Variants in AP2A2 observed in about 807,000 individuals in gnomAD.
AP2A2 encodes adaptor related protein complex 2 subunit alpha 2.
AP2A2 carries 32 observed loss-of-function variants against 104.2 expected under a neutral mutation model. That is an observed-to-expected ratio of 0.31 (90% CI 0.23 to 0.41). The LOEUF is 0.41. AP2A2 is among the 10% of genes least tolerant of loss of function. The pLI, the probability that AP2A2 is intolerant of heterozygous loss-of-function variation, is 1.00. For missense variants in AP2A2, 912 were observed against 1,261.0 expected (o/e 0.72, Z 4.19); for synonymous variants, 539 against 533.3 (o/e 1.01, Z -0.15).
chr11:973,479 T>C (rs1002598850), intron 4 of AP2A2, among the ~76,000 whole-genome samples: 9 of 152,062 alleles, frequency 5.9e-5, no homozygotes, highest in African/African-American at 1.4e-4. Context: ...AAGACAGATA[T>C]TCAGAAGCGC....
At chr11:975,430 C>T (rs112909388) in intron 4 of AP2A2, among the ~76,000 whole-genome samples, 184 of 63,784 alleles carry the variant, frequency 2.9e-3, no homozygotes, top group Middle Eastern at 0.036. Context: ...TTGTGTGAGC[C>T]GACGTCGGAG....
intron 7 of AP2A2, 59 bp from the exon 8 acceptor site, chr11:985,376 G>A (rs1855416059): frequency 6.4e-7 from 1 of 1,573,346 alleles, no homozygotes; most frequent in Admixed American, 1.9e-5. Flanking sequence ...AGCCGGGAGG[G>A]GCAGGGTGGG....
In AP2A2 at chr11:1,009,765, A is replaced by C; in HGVS notation, c.2690A>C (p.Lys897Thr). The change falls in exon 21 of 22, where the codon AAA becomes ACA. Residue 897 changes from lysine to threonine, a missense_variant. By Grantham distance (78) the Lys-to-Thr change is moderately conservative (BLOSUM62 -1). Transcript: ENST00000448903. The part of the protein sequence containing the change: ...NFVGAGIIHT[K>T]TTQIGCLLRL... Reference sequence around the variant, plus strand: ...GTGGGAGCTGGAATCATCCACACGAAAACCACCCAGATTGGATGCCTGCTG... The same window carrying C: ...GTGGGAGCTGGAATCATCCACACGACAACCACCCAGATTGGATGCCTGCTG... 1 of 1,551,910 alleles carries C rather than the reference A, an allele frequency of 6.4e-7. No homozygotes were observed. The highest frequency in any genetic ancestry group is 8.7e-7 in the Non-Finnish European group (1 of 1,146,978).
chr11:994,326 C>A, intron 14 of AP2A2, 81 bp downstream of exon 14: 1 of 1,540,708 alleles, frequency 6.5e-7, no homozygotes. Context: ...ATTTGCCTGT[C>A]AGGGAGGAGC....
Position 993,722 on chromosome 11 carries a change from G to A in AP2A2, c.1551-32G>A, listed in dbSNP as rs368937620. 2.6e-4 allele frequency: 400 copies of A among 1,524,982 alleles called. 1 individual carries two copies. The Middle Eastern group carries it at 3.5e-3, about 14-fold the overall frequency. 94.5% of individuals were successfully genotyped at this position (1,524,982 alleles called of 1,614,324 possible). A position where few individuals can be genotyped will look rare whatever the true frequency, so the allele number is the denominator to read the frequency against. Reference sequence around the variant, plus strand: ...GTGCTGCAGCCTGCGAGGGGACGACGGTGTCCCTGTGTTGTGCCTCCCCGT... The same window carrying A: ...GTGCTGCAGCCTGCGAGGGGACGACAGTGTCCCTGTGTTGTGCCTCCCCGT... On this transcript the variant is annotated intron_variant, in intron 12 of 21. Transcript: ENST00000448903. This position sits in a 1 kb window ranked among gnomAD's most constrained non-coding sequence, Gnocchi z 8.2.
At chr11:983,594 AG>A (rs1319473109) in intron 6 of AP2A2, among the ~76,000 whole-genome samples, 3 of 151,726 alleles carry the variant, frequency 2.0e-5, no homozygotes, top group African/African-American at 4.8e-5. Flanking sequence ...TGTGTTAGCC[AG>A]GATGGTCTCG....
chr11:927,824 AAAAAAAAAAAAAAAAAGGCT>A (rs1853168463), intron 1 of AP2A2, among the ~76,000 whole-genome samples: 1 of 149,564 alleles, frequency 6.7e-6, no homozygotes, highest in Non-Finnish European at 1.5e-5. Context: ...CACAAAAAAA[AAAAAAAAAAAAAAAAAGGCT>A]TAGAAACACC....
chr11:958,156 T>C (rs1854297550), intron 1 of AP2A2, among the ~76,000 whole-genome samples: 1 of 152,166 alleles, frequency 6.6e-6, no homozygotes, highest in Non-Finnish European at 1.5e-5. Context: ...TTGGTGGCCT[T>C]GTAAGAGGAA....
At chr11:1,000,928 CTT>C (rs374840946) in intron 15 of AP2A2, among the ~76,000 whole-genome samples, 58 of 152,314 alleles carry the variant, frequency 3.8e-4, no homozygotes, top group African/African-American at 1.3e-3. Context: ...GATAAACACT[CTT>C]TGTAGCTACA....
At chr11:981,538 G>GTGGCCCCGTGTCCCCCAC (rs2133693018) in intron 6 of AP2A2, among the ~76,000 whole-genome samples, 1 of 152,338 alleles carries the variant, frequency 6.6e-6, no homozygotes, top group African/African-American at 2.4e-5. Context: ...GGGGCACCCA[G>GTGGCCCCGTGTCCCCCAC]TGGCCCCGTG....
At chr11:985,777 A>G (rs1194682342) in intron 8 of AP2A2, among the ~76,000 whole-genome samples, 195 bp downstream of exon 8, 1 of 151,656 alleles carries the variant, frequency 6.6e-6, no homozygotes, top group African/African-American at 2.4e-5. Flanking sequence ...CTCACCGTGG[A>G]TTGCTTTGGT....
At chr11:949,201 G>A (rs1462948336) in intron 1 of AP2A2, among the ~76,000 whole-genome samples, 1 of 151,562 alleles carries the variant, frequency 6.6e-6, no homozygotes, top group African/African-American at 2.4e-5. Flanking sequence ...GCTTGAAACC[G>A]AGAGGCGGAG....
chr11:949,797 G>A (rs921863852), intron 1 of AP2A2, among the ~76,000 whole-genome samples: 3 of 142,966 alleles, frequency 2.1e-5, no homozygotes, highest in East Asian at 4.0e-4. Context: ...AAAAAAAACA[G>A]GTTTATACAC....
At chr11:1,008,546 A>G (rs960168356) in intron 18 of AP2A2, 7 of 204,200 alleles carry the variant, frequency 3.4e-5, no homozygotes, top group African/African-American at 1.6e-4. Context: ...CTCAGATCGT[A>G]CCACTTTGCT....
At position 993,144 on chromosome 11, in the gene AP2A2, C is replaced by A; in HGVS notation, c.1453-140C>A. ...CAGGTACTGAGGGTGCTGAGGAAGG[C>A]AGGGATGGGCACTTGGACTGGGGTC... On this transcript the variant is annotated intron_variant, in intron 11 of 21. Transcript: ENST00000448903. The surrounding 1 kb of genome is among the most constrained non-coding windows in gnomAD (Gnocchi z 8.2). The A allele has an allele frequency of 3.1e-6, 2 of 638,568 alleles. No individual in the cohort carries two copies. The highest frequency in any genetic ancestry group is 5.3e-6 in the Non-Finnish European group (2 of 377,906). The allele number at this position is 638,568 out of a possible 1,614,324, so 39.6% of individuals were successfully genotyped here. A position where few individuals can be genotyped will look rare whatever the true frequency, so the allele number is the denominator to read the frequency against.
chr11:981,983 C>T (rs750337078), intron 6 of AP2A2, among the ~76,000 whole-genome samples: 1 of 152,248 alleles, frequency 6.6e-6, no homozygotes, highest in Non-Finnish European at 1.5e-5. Context: ...GGCGCGGGCG[C>T]GGCACGCGTA....
In AP2A2 at chr11:926,122, G is replaced by GGGCCGC. The variant is rs767061982; in HGVS notation, c.67+35_67+40dup. 9.1e-5 allele frequency: 113 copies of GGGCCGC among 1,247,724 alleles called. No homozygotes were observed. In the African/African-American group the frequency reaches 1.6e-3, roughly 18 times the overall value. 77.3% of individuals were successfully genotyped at this position (1,247,724 alleles called of 1,614,324 possible). On this transcript the variant is annotated intron_variant, in intron 1 of 21. Coordinates refer to ENST00000448903, the MANE Select transcript of AP2A2 (RefSeq NM_012305.4). ...CGGGGGCGGCGTGGGGCCGGGGCCG[G>GGGCCGC]GGCCGCCGGCGGAGACGGGGTCTGG...
intron 1 of AP2A2, among the ~76,000 whole-genome samples, chr11:953,685 C>A (rs535803409): frequency 6.6e-6 from 1 of 152,070 alleles, no homozygotes; most frequent in South Asian, 2.1e-4. Context: ...CCTGCTTTTG[C>A]GTCGTCTCTG....
Position 984,711 on chromosome 11 carries a change from T to G in AP2A2, c.772T>G (p.Ser258Ala), listed in dbSNP as rs1486753096. Residue 258 changes from serine (S) to alanine (A), a missense_variant, in exon 7 of 22, where the codon TCT (serine) becomes GCT (alanine). Coordinates refer to ENST00000448903, the MANE Select transcript of AP2A2 (RefSeq NM_012305.4). Reference sequence around the variant, plus strand: ...CTATTTTGTCCCGGCTCCCTGGCTGTCTGTCAAACTGCTGAGACTGCTGCA... The same window carrying G: ...CTATTTTGTCCCGGCTCCCTGGCTGGCTGTCAAACTGCTGAGACTGCTGCA... The part of the protein sequence containing the change: ...TYYFVPAPWL[S>A]VKLLRLLQCY... 2 of 1,613,460 alleles carry G rather than the reference T, an allele frequency of 1.2e-6. No individual in the cohort carries two copies. Among genetic ancestry groups the G allele is most frequent in the African/African-American group, 1.3e-5 (1 of 74,942 alleles).
Sources: allele counts gnomAD v4.1 joint callset (sites outside exome capture counted in the v4.1 genomes callset), GRCh38; gene constraint gnomAD v4.1.1; non-coding constraint Gnocchi (gnomAD v3.1); transcripts MANE v1.5; gene names NCBI Gene and HGNC (gene_info 2026-07-23, HGNC 2026-07-21).